Variants in PARP12 observed in about 807,000 individuals in gnomAD.
The protein encoded by PARP12 is protein mono-ADP-ribosyltransferase PARP12.
A neutral mutation model predicts 72.4 loss-of-function variants in PARP12; 59 were observed. That is an observed-to-expected ratio of 0.81 (90% CI 0.66 to 1.01). The LOEUF (loss-of-function observed/expected upper bound fraction) is 1.01. Ranked by LOEUF, PARP12 falls within the 50% of genes least tolerant of loss-of-function variation. PARP12 has a pLI of 0.00. For synonymous variants in PARP12, 403 were observed against 371.4 expected (o/e 1.09, Z -0.98); for missense variants, 851 against 914.0 (o/e 0.93, Z 0.89).
chr7:140,025,313 G>T, intron 11 of PARP12: 1 of 293,658 alleles, frequency 3.4e-6, no homozygotes. Context: ...CCAATGTATA[G>T]AATTATGAGC....
chr7:140,062,702 A>C lies in PARP12; in HGVS notation c.146T>G (p.Phe49Cys). 7.6e-7 allele frequency: 1 copy of C among 1,318,178 alleles called. No individual in the cohort carries two copies. Among genetic ancestry groups the C allele is most frequent in the East Asian group, 3.5e-5 (1 of 28,874 alleles). 81.7% of individuals were successfully genotyped at this position (1,318,178 alleles called of 1,614,324 possible). The change falls in exon 1 of 12, where the codon TTC becomes TGC. Residue 49 changes from phenylalanine to cysteine, a missense_variant. This residue lies in a region of PARP12 where 492 missense variants were observed against 489.3 expected (regional missense o/e 1.01). Coordinates refer to ENST00000263549, the MANE Select transcript of PARP12 (RefSeq NM_022750.4). ...GCCGCCCGCCCGCACCGCCACCACG[A>C]AGCGCCCACGCTGCCGCAGCAGCCG... ...LERLLRQRGR[F>C]VVAVRAGGAA...
At chr7:140,060,064 C>A (rs1817377922) in intron 1 of PARP12, among the ~76,000 whole-genome samples, 1 of 152,210 alleles carries the variant, frequency 6.6e-6, no homozygotes, top group Non-Finnish European at 1.5e-5. Context: ...ATTTATTGAG[C>A]AACTGCCAAA....
At position 140,035,993 on chromosome 7, in the gene PARP12, G is replaced by GAGGAGGAGAAGGAGGAGA. The variant is rs1167834142; in HGVS notation, c.1325-1680_1325-1663dup. On this transcript the variant is annotated intron_variant, in intron 7 of 11. Transcript: ENST00000263549. ...GGACGAGGAGGAGGAGGAGGAGGAGGAGGAGGAGAAGGAGGAGAAGGAGGA... is the reference window on the plus strand; with the variant it reads ...GGACGAGGAGGAGGAGGAGGAGGAGGAGGAGGAGAAGGAGGAGAAGGAGGAGAAGGAGGAGAAGGAGGA... Among the ~76,000 whole-genome samples, 13 of 54,114 alleles carry GAGGAGGAGAAGGAGGAGA rather than the reference G, an allele frequency of 2.4e-4. 2 individuals are homozygous for GAGGAGGAGAAGGAGGAGA. The highest frequency in any genetic ancestry group is 5.0e-4 in the South Asian group (1 of 2,012). 35.5% of individuals were successfully genotyped at this position (54,114 alleles called of 152,430 possible). A position where few individuals can be genotyped will look rare whatever the true frequency, so the allele number is the denominator to read the frequency against.
chr7:140,058,145 T>C, intron 1 of PARP12, 111 bp from the exon 2 acceptor site: 1 of 1,245,420 alleles, frequency 8.0e-7, no homozygotes, highest in East Asian at 2.4e-5. Context: ...GGAAAGAAGG[T>C]CTCTAAAGAG....
Position 140,062,704 on chromosome 7 carries a change from G to C in PARP12, c.144C>G (p.Arg48=), listed in dbSNP as rs1397806594. The change falls in exon 1 of 12, where the codon CGC becomes CGG. Residue 48 remains arginine, a synonymous_variant. Coordinates refer to ENST00000263549, the MANE Select transcript of PARP12 (RefSeq NM_022750.4). ...CGCCCGCCCGCACCGCCACCACGAA[G>C]CGCCCACGCTGCCGCAGCAGCCGCT... ...ALERLLRQRG[R]FVVAVRAGGA... is the part of the protein sequence containing the mutation. 6.8e-6 allele frequency: 9 copies of C among 1,322,056 alleles called. No homozygotes were observed. Among genetic ancestry groups the C allele is most frequent in the Non-Finnish European group, 8.7e-6 (9 of 1,031,476 alleles). 81.9% of individuals were successfully genotyped at this position (1,322,056 alleles called of 1,614,324 possible).
chr7:140,031,313 C>T (rs1488991249), intron 8 of PARP12, among the ~76,000 whole-genome samples: 1 of 152,062 alleles, frequency 6.6e-6, no homozygotes, highest in Non-Finnish European at 1.5e-5. Context: ...GTGGAAGGTG[C>T]AATAAGCCGT....
rs1422971622 is a variant in PARP12, at chr7:140,031,919, T to C, written c.1421+2316A>G. ...ACTAAAATAATAAGAGATATATATT[T>C]ATGGTAAAATACTTCACAGGCAAAG... On this transcript the variant is annotated intron_variant, in intron 8 of 11. Transcript: ENST00000263549. Among the ~76,000 whole-genome samples, 4 of 152,230 alleles carry C rather than the reference T, an allele frequency of 2.6e-5. 1 individual carries two copies. In the South Asian group the frequency reaches 8.3e-4, roughly 32 times the overall value.
intron 11 of PARP12, chr7:140,025,418 C>T (rs1259524740): frequency 5.2e-5 from 17 of 324,394 alleles, no homozygotes; most frequent in South Asian, 1.0e-4. Context: ...CCCTTGCCAT[C>T]GCTGCCTCAG....
chr7:140,046,918 T>G lies in PARP12; in HGVS notation c.952A>C (p.Ile318Leu), dbSNP rs1317372935. The G allele has an allele frequency of 6.2e-7, 1 of 1,614,040 alleles. No individual in the cohort carries two copies. Among genetic ancestry groups the G allele is most frequent in the South Asian group, 1.1e-5 (1 of 91,054 alleles). The change falls in exon 5 of 12, where the codon ATT becomes CTT. Residue 318 changes from isoleucine to leucine, a missense_variant. Transcript: ENST00000263549. ...TTGGGATTGCAATATGCCTCTTCAATAAGTTCCATGTTGTCCAAATCCTCC... is the reference window on the plus strand; with the variant it reads ...TTGGGATTGCAATATGCCTCTTCAAGAAGTTCCATGTTGTCCAAATCCTCC... ...KWEDLDNMEL[I>L]EEAYCNPKIE... is the part of the protein sequence containing the mutation.
At chr7:140,039,345 C>G (rs1165426431) in intron 6 of PARP12, among the ~76,000 whole-genome samples, 1 of 152,198 alleles carries the variant, frequency 6.6e-6, no homozygotes, top group Non-Finnish European at 1.5e-5. Context: ...CGTCCTGCCC[C>G]GACCCAGGCC....
intron 8 of PARP12, 45 bp downstream of exon 8, chr7:140,034,190 C>T (rs1480345268): frequency 6.3e-7 from 1 of 1,596,596 alleles, no homozygotes. Flanking sequence ...AGAGCACACC[C>T]CAGCTGATTA....
Position 140,062,820 on chromosome 7 carries a change from C to A in PARP12, c.28G>T (p.Val10Phe), listed in dbSNP as rs1239866075. Residue 10 changes from valine (V) to phenylalanine (F), a missense_variant, in exon 1 of 12, where the codon GTC becomes TTC. Val to Phe is a conservative substitution (Grantham distance 50, BLOSUM62 -1). Coordinates refer to ENST00000263549, the MANE Select transcript of PARP12 (RefSeq NM_022750.4). MAQAGVVGE[V>F]TQVLCAAGGA... The stretch of plus-strand genomic sequence containing the variant: ...CCGGCCGCGCACAGCACCTGGGTGA[C>A]CTCACCGACGACGCCGGCCTGGGCC... 1.3e-4 allele frequency: 182 copies of A among 1,406,592 alleles called. No individual in the cohort carries two copies. The highest frequency in any genetic ancestry group is 1.7e-4 in the Non-Finnish European group (181 of 1,078,406). The allele number at this position is 1,406,592 out of a possible 1,614,324, so 87.1% of individuals were successfully genotyped here. A position where few individuals can be genotyped will look rare whatever the true frequency, so the allele number is the denominator to read the frequency against.
At chr7:140,053,281 G>A (rs958760794) in intron 4 of PARP12, among the ~76,000 whole-genome samples, 1 of 152,268 alleles carries the variant, frequency 6.6e-6, no homozygotes, top group Non-Finnish European at 1.5e-5. Flanking sequence ...ACAAATGATT[G>A]ATATGCCAGC....
intron 6 of PARP12, among the ~76,000 whole-genome samples, chr7:140,038,736 T>C (rs1466423286): frequency 1.3e-5 from 2 of 152,164 alleles, no homozygotes; most frequent in African/African-American, 4.8e-5. Flanking sequence ...CCCTGTCAAT[T>C]TTCCTGCTCC....
At chr7:140,028,491 C>T in intron 9 of PARP12, 122 bp downstream of exon 9, 1 of 845,468 alleles carries the variant, frequency 1.2e-6, no homozygotes, top group South Asian at 2.1e-5. Flanking sequence ...TCACTGCCCT[C>T]CTGCCCCAAT....
rs899977403 is a variant in PARP12 at position 140,025,016 on chromosome 7, C to A, written c.1781-131G>T. The stretch of plus-strand genomic sequence containing the variant: ...CTTCCACCCCGCATCTCCCTCCCTC[C>A]CTCTGTGCCATGTCTCCACTCTCCC... On this transcript the variant is annotated intron_variant, in intron 11 of 11. Coordinates refer to ENST00000263549, the MANE Select transcript of PARP12 (RefSeq NM_022750.4). 1.1e-4 allele frequency: 85 copies of A among 765,942 alleles called. 1 individual carries two copies. Among genetic ancestry groups the A allele is most frequent in the Non-Finnish European group, 1.8e-4 (84 of 473,234 alleles). 47.4% of individuals were successfully genotyped at this position (765,942 alleles called of 1,614,324 possible). A position where few individuals can be genotyped will look rare whatever the true frequency, so the allele number is the denominator to read the frequency against.
At chr7:140,033,802 T>A in intron 8 of PARP12, 1 of 987,118 alleles carries the variant, frequency 1.0e-6, no homozygotes. Flanking sequence ...GACTGCAATA[T>A]CTGTTTTTAG....
At chr7:140,028,170 G>A (rs1246299318) in intron 9 of PARP12, among the ~76,000 whole-genome samples, 1 of 152,182 alleles carries the variant, frequency 6.6e-6, no homozygotes, top group African/African-American at 2.4e-5. Flanking sequence ...CCCTCAACAA[G>A]CTGCCAAATT....
intron 5 of PARP12, among the ~76,000 whole-genome samples, chr7:140,042,948 C>G (rs931099188): frequency 4.6e-5 from 7 of 152,230 alleles, no homozygotes; most frequent in Non-Finnish European, 1.0e-4. Context: ...GTAATCCCAG[C>G]ACTTTGGGAG....
Sources: allele counts gnomAD v4.1 joint callset (sites outside exome capture counted in the v4.1 genomes callset), GRCh38; gene constraint gnomAD v4.1.1; regional missense constraint gnomAD v4.1.1; transcripts MANE v1.5; gene names NCBI Gene and HGNC (gene_info 2026-07-23, HGNC 2026-07-21).